The following EFCAB6 variants were observed in gnomAD, a reference collection of about 807,000 sequenced individuals.
The protein encoded by EFCAB6 is EF-hand calcium binding domain 6, also known as EF-hand calcium-binding domain-containing protein 6.
In EFCAB6, 156 loss-of-function variants were observed where a neutral mutation model predicts 169.8. That is an observed-to-expected ratio of 0.92 (90% CI 0.81 to 1.05). EFCAB6 has a LOEUF of 1.05. Among genes scored for constraint, EFCAB6 ranks in the 50% least tolerant of loss-of-function variants. EFCAB6 has a pLI of 0.00. For synonymous variants in EFCAB6, 698 were observed against 676.4 expected, an observed-to-expected ratio of 1.03 and a Z score of -0.50; for missense variants, 1,800 against 1,829.1, an observed-to-expected ratio of 0.98 and a Z score of 0.29.
intron 17 of EFCAB6, among the ~76,000 whole-genome samples, chr22:43,644,264 G>C (rs1170263820): frequency 1.3e-5 from 2 of 152,084 alleles, no homozygotes; most frequent in Non-Finnish European, 2.9e-5. Flanking sequence ...GCACGTTCCA[G>C]GTCAAGGAAA....
chr22:43,683,368 T>C (rs2147108203), intron 12 of EFCAB6, among the ~76,000 whole-genome samples: 1 of 152,280 alleles, frequency 6.6e-6, no homozygotes, highest in Non-Finnish European at 1.5e-5. Flanking sequence ...GGCAATAAGT[T>C]GGTTATGAAC....
At chr22:43,573,171 A>G (rs1257741687) in intron 26 of EFCAB6, among the ~76,000 whole-genome samples, 15 of 152,228 alleles carry the variant, frequency 9.9e-5, no homozygotes, top group Admixed American at 6.5e-4. Context: ...AGACAGGAAT[A>G]TATGCAGCTG....
chr22:43,657,293 C>T (rs1046357702), intron 17 of EFCAB6, among the ~76,000 whole-genome samples: 23 of 152,070 alleles, frequency 1.5e-4, no homozygotes, highest in African/African-American at 5.3e-4. Context: ...AGACCCTGTC[C>T]TCCCATCCCC....
chr22:43,540,797 C>T (rs565181062), intron 27 of EFCAB6, among the ~76,000 whole-genome samples: 12 of 152,274 alleles, frequency 7.9e-5, no homozygotes, highest in South Asian at 2.1e-4. Flanking sequence ...CACCAGGTGA[C>T]GCAGCCCTCA....
chr22:43,662,592 T>A lies in EFCAB6; in HGVS notation c.1983+4512A>T, dbSNP rs569936298. On this transcript the variant is annotated intron_variant, in intron 17 of 31. Transcript: ENST00000262726. ...ACCATTTTGCTATACTAATTGGGGT[T>A]ACACACAAGATGTAGGGGAAGAGGA... Among the ~76,000 whole-genome samples the A allele has an allele frequency of 1.3e-4, 20 of 152,296 alleles. No individual in the cohort carries two copies. In the East Asian group the frequency reaches 3.9e-3, roughly 29 times the overall value.
intron 8 of EFCAB6, among the ~76,000 whole-genome samples, chr22:43,727,135 T>C (rs2059765862): frequency 6.6e-6 from 1 of 152,184 alleles, no homozygotes; most frequent in African/African-American, 2.4e-5. Flanking sequence ...TAAAAAAGTT[T>C]AAAGCAGCCA....
At chr22:43,803,797 C>G (rs1000749693) in intron 2 of EFCAB6, among the ~76,000 whole-genome samples, 1 of 152,150 alleles carries the variant, frequency 6.6e-6, no homozygotes, top group African/African-American at 2.4e-5. Flanking sequence ...GAAACACTGC[C>G]ATTAAACTAC....
At position 43,700,546 on chromosome 22, in the gene EFCAB6, C is replaced by T. The variant is rs146982193; in HGVS notation, c.1031+10929G>A. ...TACAGTTGTATGAGTTTAACACATG[C>T]GTAGATTCATGCAGATTCCCACACT... On this transcript the variant is annotated intron_variant, in intron 10 of 31. Coordinates refer to ENST00000262726, the MANE Select transcript of EFCAB6 (RefSeq NM_022785.4). Among the ~76,000 whole-genome samples the T allele has an allele frequency of 1.2e-3, 179 of 152,244 alleles. 1 individual carries two copies. The East Asian group carries it at 0.024, about 21-fold the overall frequency.
chr22:43,600,408 A>C (rs3747202), intron 22 of EFCAB6, 145 bp from the exon 23 acceptor site: 374,379 of 780,888 alleles, frequency 0.48, 92,439 homozygotes, highest in Admixed American at 0.62. Context: ...GGGCCAGCGG[A>C]ATCAGCCCCG....
Position 43,687,452 on chromosome 22 carries a change from T to TTG in EFCAB6, c.1142+18_1142+19insCA, listed in dbSNP as rs1556073847. On this transcript the variant is annotated intron_variant, in intron 11 of 31. Transcript: ENST00000262726. ...GATATGTGTAACTAAAATTTGTTTT[T>TTG]TTTTTTTTTTTTACATACCTATTTC... The TTG allele has an allele frequency of 8.8e-6, 12 of 1,369,666 alleles. No homozygotes were observed. In the African/African-American group the frequency reaches 8.9e-5, roughly 10 times the overall value. The allele number at this position is 1,369,666 out of a possible 1,614,324, so 84.8% of individuals were successfully genotyped here. A position where few individuals can be genotyped will look rare whatever the true frequency, so the allele number is the denominator to read the frequency against.
chr22:43,540,444 G>A (rs757595778), intron 27 of EFCAB6, 87 bp from the exon 28 acceptor site: 21 of 1,592,842 alleles, frequency 1.3e-5, no homozygotes, highest in East Asian at 1.1e-4. Flanking sequence ...GGGACAGGCC[G>A]GCCTCGCAGG....
At chr22:43,784,541 G>GTGTGTGTA (rs1556409935) in intron 2 of EFCAB6, among the ~76,000 whole-genome samples, 2 of 79,706 alleles carry the variant, frequency 2.5e-5, no homozygotes, top group African/African-American at 4.6e-5. Flanking sequence ...GTGTGTGTGT[G>GTGTGTGTA]TGTATATGTA....
chr22:43,694,903 T>A (rs984844414), intron 10 of EFCAB6, among the ~76,000 whole-genome samples: 5 of 152,038 alleles, frequency 3.3e-5, no homozygotes, highest in African/African-American at 9.6e-5. Flanking sequence ...AGATCAGGAA[T>A]AAAGCAGGAA....
chr22:43,552,665 A>G (rs1185958780), intron 27 of EFCAB6: 3 of 152,184 alleles, frequency 2.0e-5, no homozygotes, highest in Admixed American at 6.5e-5. Context: ...TGGTTGGGGA[A>G]GGGGCTTGAT....
At chr22:43,791,533 G>A (rs567682248) in intron 2 of EFCAB6, among the ~76,000 whole-genome samples, 2 of 152,254 alleles carry the variant, frequency 1.3e-5, no homozygotes, top group East Asian at 1.9e-4. Context: ...AGAAGAACCA[G>A]CAAAGGAGAC....
At chr22:43,719,750 C>G (rs541968538) in intron 8 of EFCAB6, among the ~76,000 whole-genome samples, 1 of 152,276 alleles carries the variant, frequency 6.6e-6, no homozygotes, top group South Asian at 2.1e-4. Flanking sequence ...CATGGAACTG[C>G]TACCTGGATT....
At chr22:43,553,954 C>G (rs1188389724) in intron 27 of EFCAB6, 2 of 152,756 alleles carry the variant, frequency 1.3e-5, no homozygotes, top group Non-Finnish European at 2.9e-5. Flanking sequence ...GTGGCATGTA[C>G]CCAGCATGCT....
At chr22:43,773,773 G>A (rs2061552847) in intron 3 of EFCAB6, among the ~76,000 whole-genome samples, 1 of 152,232 alleles carries the variant, frequency 6.6e-6, no homozygotes, top group African/African-American at 2.4e-5. Context: ...CTTGAACCTG[G>A]GAGGCTGAGG....
intron 19 of EFCAB6, 55 bp downstream of exon 19, chr22:43,632,050 T>C: frequency 6.3e-7 from 1 of 1,593,834 alleles, no homozygotes; most frequent in Non-Finnish European, 8.6e-7. Context: ...TTGGGCTGCG[T>C]GGTTGGGAGC....
Sources: allele counts gnomAD v4.1 joint callset (sites outside exome capture counted in the v4.1 genomes callset), GRCh38; gene constraint gnomAD v4.1.1; transcripts MANE v1.5; gene names NCBI Gene and HGNC (gene_info 2026-07-23, HGNC 2026-07-21).